PIEZO2: variants seen among roughly 807,000 people sequenced by gnomAD.
PIEZO2 encodes the protein piezo-type mechanosensitive ion channel component 2.
PIEZO2 carries 172 observed loss-of-function variants against 337.3 expected under a neutral mutation model. The ratio of observed to expected loss-of-function variants is 0.51; its 90% CI spans 0.45 to 0.58. The LOEUF (loss-of-function observed/expected upper bound fraction) is 0.58, where lower values mean the gene tolerates loss of function less well. Among genes scored for constraint, PIEZO2 ranks in the 20% least tolerant of loss-of-function variants. The pLI is 0.00. For missense variants in PIEZO2, 3,028 were observed against 3,391.3 expected (o/e 0.89, Z 2.66); for synonymous variants, 1,251 against 1,228.5 (o/e 1.02, Z -0.38).
chr18:10,757,834 T>C, intron 27 of PIEZO2, 135 bp downstream of exon 27: 2 of 1,006,210 alleles, frequency 2.0e-6, no homozygotes, highest in Non-Finnish European at 2.8e-6. Flanking sequence ...AACCACATTG[T>C]CCAGCATTTA....
At position 10,682,443 on chromosome 18, in the gene PIEZO2, C is replaced by T. The variant is rs1280407598; in HGVS notation, c.7498-151G>A. Among the ~76,000 whole-genome samples the T allele has an allele frequency of 1.3e-5, 2 of 152,176 alleles. No homozygotes were observed. Among genetic ancestry groups the T allele is most frequent in the Admixed American group, 6.5e-5 (1 of 15,282 alleles). On this transcript the variant is annotated intron_variant, in intron 49 of 55. Coordinates refer to ENST00000674853, the MANE Select transcript of PIEZO2 (RefSeq NM_001378183.1). This position sits in a 1 kb window ranked among gnomAD's most constrained non-coding sequence, Gnocchi z 5.6. ...TCTGTTCGCTCTGAAATGGGGATAG[C>T]AACCTTGTCCCAATCTCGAAATGAA...
intron 33 of PIEZO2, 55 bp downstream of exon 33, chr18:10,740,976 T>C: frequency 6.7e-7 from 1 of 1,499,406 alleles, no homozygotes; most frequent in Non-Finnish European, 9.0e-7. Flanking sequence ...TGAATTCTGG[T>C]CAAGGATATA....
rs1454869947 is a variant in PIEZO2 at position 11,094,014 on chromosome 18, T to C, written c.65-27792A>G. Reference sequence around the variant, plus strand: ...TTTTTTTGAGACAGTGTCTCGCTCTTGGGGCCCAGGCTGGAGTGCAGTGGT... The same window carrying C: ...TTTTTTTGAGACAGTGTCTCGCTCTCGGGGCCCAGGCTGGAGTGCAGTGGT... On this transcript the variant is annotated intron_variant, in intron 1 of 55. Transcript: ENST00000674853. This position sits in a 1 kb window ranked among gnomAD's most constrained non-coding sequence, Gnocchi z 4.4. Among the ~76,000 whole-genome samples the C allele has an allele frequency of 3.3e-5, 5 of 151,636 alleles. No individual in the cohort carries two copies. Among genetic ancestry groups the C allele is most frequent in the Non-Finnish European group, 7.4e-5 (5 of 67,882 alleles).
At chr18:11,026,656 GA>G (rs2036551847) in intron 2 of PIEZO2, among the ~76,000 whole-genome samples, 1 of 152,202 alleles carries the variant, frequency 6.6e-6, no homozygotes, top group South Asian at 2.1e-4. Flanking sequence ...CCCTCAGCCT[GA>G]ATGCTCCCTC....
At chr18:11,024,523 G>A (rs1395642828) in intron 2 of PIEZO2, among the ~76,000 whole-genome samples, 1 of 147,098 alleles carries the variant, frequency 6.8e-6, no homozygotes, top group Non-Finnish European at 1.5e-5. Flanking sequence ...TCCAGCCTGG[G>A]CGACAGAGCG....
At chr18:10,685,101 G>A (rs947203989) in intron 49 of PIEZO2, among the ~76,000 whole-genome samples, 1 of 152,162 alleles carries the variant, frequency 6.6e-6, no homozygotes, top group Non-Finnish European at 1.5e-5. Context: ...TGTGTGCTCG[G>A]ACCAACATTT....
At chr18:10,698,012 C>CGGATGCATTTGTGAACAATGACTGA in intron 44 of PIEZO2, 132 bp from the exon 45 acceptor site, 2 of 1,062,348 alleles carry the variant, frequency 1.9e-6, no homozygotes, top group Non-Finnish European at 2.6e-6. Context: ...TGAGTATGCA[C>CGGATGCATTTGTGAACAATGACTGA]GGCCTTGGGA....
At chr18:10,701,845 TAA>T (rs56768357) in intron 43 of PIEZO2, 142 bp downstream of exon 43, 8 of 316,476 alleles carry the variant, frequency 2.5e-5, no homozygotes, top group Middle Eastern at 8.2e-4. Flanking sequence ...TTTTTTTTTT[TAA>T]AAAAAACATA....
chr18:11,024,043 G>A (rs112928235), intron 2 of PIEZO2, among the ~76,000 whole-genome samples: 8,570 of 152,214 alleles, frequency 0.056, 731 homozygotes, highest in African/African-American at 0.18. Context: ...ACACCTCCCC[G>A]CAAGCTGAGG....
At chr18:10,810,206 T>C (rs2040145594) in intron 7 of PIEZO2, among the ~76,000 whole-genome samples, 1 of 152,090 alleles carries the variant, frequency 6.6e-6, no homozygotes, top group African/African-American at 2.4e-5. Flanking sequence ...TTTTAGAAGA[T>C]TTTATGTTAA....
intron 1 of PIEZO2, among the ~76,000 whole-genome samples, chr18:11,100,490 A>G (rs1375023920): frequency 1.3e-5 from 2 of 152,254 alleles, no homozygotes; most frequent in Admixed American, 6.5e-5. Flanking sequence ...ACATTTTAAA[A>G]GACGGCCTGC....
Position 10,864,000 on chromosome 18 carries a change from A to G in PIEZO2, c.493-6789T>C, listed in dbSNP as rs948995633. Among the ~76,000 whole-genome samples, 1 of 152,172 alleles carries G rather than the reference A, an allele frequency of 6.6e-6. No homozygotes were observed. Among genetic ancestry groups the G allele is most frequent in the African/African-American group, 2.4e-5 (1 of 41,420 alleles). ...GCTGTTCTAAATGATTCACCCTGGT[A>G]TTCACTCCAAAAATAAAAAATTTAT... is the stretch of plus-strand genomic sequence containing the variant. On this transcript the variant is annotated intron_variant, in intron 5 of 55. Coordinates refer to ENST00000674853, the MANE Select transcript of PIEZO2 (RefSeq NM_001378183.1). The surrounding 1 kb of genome is among the most constrained non-coding windows in gnomAD (Gnocchi z 4.3).
At chr18:10,762,761 T>C (rs963802598) in intron 22 of PIEZO2, 136 bp from the exon 23 acceptor site, 15 of 1,321,970 alleles carry the variant, frequency 1.1e-5, no homozygotes, top group Non-Finnish European at 1.5e-5. Context: ...GAGACCTCAG[T>C]ATGAGACGAG....
chr18:10,734,092 C>T (rs2036897249), intron 35 of PIEZO2, among the ~76,000 whole-genome samples: 1 of 152,106 alleles, frequency 6.6e-6, no homozygotes, highest in Non-Finnish European at 1.5e-5. Context: ...GGTCTAGCAC[C>T]TTCTTTATGT....
intron 4 of PIEZO2, among the ~76,000 whole-genome samples, chr18:10,880,846 C>CATATATATATAT (rs56271617): frequency 2.9e-5 from 2 of 68,072 alleles, no homozygotes; most frequent in Admixed American, 1.8e-4. Flanking sequence ...TCCCACATAT[C>CATATATATATAT]ATATATATAT....
At chr18:10,930,547 T>A (rs977606240) in intron 3 of PIEZO2, among the ~76,000 whole-genome samples, 2 of 152,230 alleles carry the variant, frequency 1.3e-5, no homozygotes, top group Non-Finnish European at 2.9e-5. Context: ...CTAACCAGTT[T>A]GGGCACATGT....
intron 45 of PIEZO2, among the ~76,000 whole-genome samples, chr18:10,696,893 C>T (rs1328431146): frequency 6.6e-6 from 1 of 152,124 alleles, no homozygotes; most frequent in East Asian, 1.9e-4. Flanking sequence ...TGCTATGTAA[C>T]CTCTGTGTTT....
In PIEZO2 at chr18:10,695,952, T is replaced by C. The variant is rs141278692; in HGVS notation, c.7190+122A>G. 2.2e-3 allele frequency: 1,987 copies of C among 920,184 alleles called. 15 individuals carry two copies. The highest frequency in any genetic ancestry group is 0.016 in the Middle Eastern group (49 of 3,016). 57.0% of individuals were successfully genotyped at this position (920,184 alleles called of 1,614,324 possible). A position where few individuals can be genotyped will look rare whatever the true frequency, so the allele number is the denominator to read the frequency against. ...AACCTTTAGCTCTTCCTACCCGTGG[T>C]GCTGCTGTGCCAAGGCTCTGCCTGT... On this transcript the variant is annotated intron_variant, in intron 47 of 55. Coordinates refer to ENST00000674853, the MANE Select transcript of PIEZO2 (RefSeq NM_001378183.1).
At chr18:10,970,218 C>T (rs1289889419) in intron 3 of PIEZO2, among the ~76,000 whole-genome samples, 2 of 152,130 alleles carry the variant, frequency 1.3e-5, no homozygotes, top group African/African-American at 4.8e-5. Flanking sequence ...TGGCAGAGGA[C>T]TGGCAGAGTA....
Sources: gnomAD v4.1 joint callset for allele counts (sites outside exome capture counted in the v4.1 genomes callset) on GRCh38, gnomAD v4.1.1 for gene constraint, Gnocchi (gnomAD v3.1) non-coding constraint, MANE v1.5 for transcripts, NCBI Gene and HGNC (gene_info 2026-07-23, HGNC 2026-07-21) for gene names.